The following RDX variants were observed in gnomAD, a reference collection of about 807,000 sequenced individuals.
RDX encodes the protein radixin.
A neutral mutation model predicts 83.7 loss-of-function variants in RDX; 32 were observed. The observed-to-expected ratio is 0.38, with a 90% confidence interval of 0.29 to 0.51. The LOEUF (loss-of-function observed/expected upper bound fraction) is 0.51, where lower values mean the gene tolerates loss of function less well. Among genes scored for constraint, RDX ranks in the 20% least tolerant of loss-of-function variants. The pLI, the probability that RDX is intolerant of heterozygous loss-of-function variation, is 0.87. For synonymous variants in RDX, 229 were observed against 222.7 expected, an observed-to-expected ratio of 1.03 and a Z score of -0.25; for missense variants, 600 against 689.9, an observed-to-expected ratio of 0.87 and a Z score of 1.46.
chr11:110,256,174 T>C (rs1859539326), intron 7 of RDX, among the ~76,000 whole-genome samples: 1 of 152,206 alleles, frequency 6.6e-6, no homozygotes, highest in South Asian at 2.1e-4. Flanking sequence ...TGAGAAATGA[T>C]TTTGACACCT....
intron 15 of RDX, among the ~76,000 whole-genome samples, chr11:110,176,077 TTTC>T (rs1381162913): frequency 7.1e-5 from 10 of 140,048 alleles, no homozygotes; most frequent in Non-Finnish European, 1.6e-4. Context: ...TTTTTTTCTT[TTTC>T]TTTTTTTCTT....
intron 5 of RDX, among the ~76,000 whole-genome samples, chr11:110,262,271 C>T (rs995292310): frequency 2.0e-5 from 3 of 152,008 alleles, no homozygotes; most frequent in Admixed American, 1.3e-4. Context: ...AATTAAAGGG[C>T]GGAACACTGT....
intron 1 of RDX, among the ~76,000 whole-genome samples, chr11:110,284,120 G>A (rs368310726): frequency 5.2e-4 from 79 of 152,314 alleles, no homozygotes; most frequent in African/African-American, 1.9e-3. Context: ...AACAACGTTG[G>A]TAAACAAGTA....
chr11:110,254,716 T>C (rs971119261), intron 8 of RDX, among the ~76,000 whole-genome samples: 3 of 152,134 alleles, frequency 2.0e-5, no homozygotes, highest in Admixed American at 1.3e-4. Context: ...TCTCAGGTGA[T>C]CTGCTCCTCT....
At chr11:110,209,613 G>A (rs1300371989) in intron 14 of RDX, among the ~76,000 whole-genome samples, 1 of 149,800 alleles carries the variant, frequency 6.7e-6, no homozygotes, top group Non-Finnish European at 1.5e-5. Context: ...AGAGAGCAGT[G>A]GTTCTCCCAG....
intron 3 of RDX, 59 bp downstream of exon 3, chr11:110,272,477 G>C: frequency 9.3e-7 from 1 of 1,074,244 alleles, no homozygotes; most frequent in Non-Finnish European, 1.4e-6. Context: ...AGAGAAAGAG[G>C]TATGCAACAA....
chr11:110,277,176 A>G (rs1168911777), intron 2 of RDX, among the ~76,000 whole-genome samples: 1 of 152,192 alleles, frequency 6.6e-6, no homozygotes, highest in Admixed American at 6.5e-5. Context: ...AAGGAACAAT[A>G]AACACTCTCC....
chr11:110,210,303 G>T (rs904006267), intron 14 of RDX, among the ~76,000 whole-genome samples: 1 of 132,914 alleles, frequency 7.5e-6, no homozygotes, highest in African/African-American at 3.0e-5. Context: ...AGAATAAAAA[G>T]AAATGAGCAA....
intron 11 of RDX, chr11:110,236,470 T>A (rs1444681573): frequency 8.9e-6 from 3 of 338,890 alleles, no homozygotes; most frequent in African/African-American, 2.1e-5. Context: ...AAAGCTTTTT[T>A]AAAAAATTTC....
chr11:110,293,580 C>T (rs1861329142), intron 1 of RDX, among the ~76,000 whole-genome samples: 1 of 152,158 alleles, frequency 6.6e-6, no homozygotes, highest in African/African-American at 2.4e-5. Flanking sequence ...CAGTCTTCAG[C>T]TGGATCAGTA....
In RDX at chr11:110,232,023, G is replaced by A; in HGVS notation, c.1598C>T (p.Ser533Leu). 6.2e-7 allele frequency: 1 copy of A among 1,612,082 alleles called. No individual in the cohort carries two copies. The highest frequency in any genetic ancestry group is 8.5e-7 in the Non-Finnish European group (1 of 1,178,476). Reference protein sequence around the residue: ...RVKKQLQALSSELAQARDETK... With the variant: ...RVKKQLQALSLELAQARDETK... ...TTCATCTCTGGCTTGGGCTAATTCT[G>A]AACTTAATGCCTATTTAAAAAATAA... Residue 533 changes from serine (S) to leucine (L), a missense_variant, in exon 14 of 14, where the codon TCA becomes TTA. Physicochemically the swap from Ser to Leu is moderately radical, Grantham distance 145. Transcript: ENST00000645495.
intron 9 of RDX, among the ~76,000 whole-genome samples, chr11:110,253,699 T>C (rs909556076): frequency 6.6e-6 from 1 of 152,144 alleles, no homozygotes; most frequent in Non-Finnish European, 1.5e-5. Context: ...TAAAACAATG[T>C]CTATCAGTGA....
At chr11:110,258,867 C>CTTTT (rs11421586) in intron 5 of RDX, among the ~76,000 whole-genome samples, 278 of 94,600 alleles carry the variant, frequency 2.9e-3, no homozygotes, top group East Asian at 3.7e-3. Context: ...CAAATACATT[C>CTTTT]TTTTTTTTTT....
intron 2 of RDX, among the ~76,000 whole-genome samples, chr11:110,276,645 C>G (rs529404153): frequency 5.9e-5 from 9 of 152,236 alleles, no homozygotes; most frequent in South Asian, 4.1e-4. Context: ...TGACTTAGAT[C>G]TCCTTTAATG....
At chr11:110,265,959 G>C (rs1165516735) in intron 3 of RDX, among the ~76,000 whole-genome samples, 1 of 152,136 alleles carries the variant, frequency 6.6e-6, no homozygotes, top group Non-Finnish European at 1.5e-5. Context: ...TATGGACAGA[G>C]ATTATTGATT....
intron 15 of RDX, among the ~76,000 whole-genome samples, chr11:110,180,509 C>T (rs541819499): frequency 4.1e-4 from 62 of 152,286 alleles, no homozygotes; most frequent in African/African-American, 1.1e-3. Context: ...CCCATTTCCC[C>T]GGGCCACTGT....
At chr11:110,280,156 T>A (rs1023642015) in intron 1 of RDX, among the ~76,000 whole-genome samples, 1 of 152,148 alleles carries the variant, frequency 6.6e-6, no homozygotes, top group Non-Finnish European at 1.5e-5. Flanking sequence ...AGCTTAAGAA[T>A]ACTTATTCAA....
intron 5 of RDX, 54 bp downstream of exon 5, chr11:110,263,906 G>A: frequency 7.1e-7 from 1 of 1,410,300 alleles, no homozygotes. Flanking sequence ...TTTATTTATA[G>A]ACTTCTAGAA....
chr11:110,279,164 TA>T (rs1335567773), intron 2 of RDX, among the ~76,000 whole-genome samples: 1 of 152,212 alleles, frequency 6.6e-6, no homozygotes, highest in African/African-American at 2.4e-5. Context: ...ACCCTTACCA[TA>T]CTCCCTTGGG....
Sources: gnomAD v4.1 joint callset for allele counts (sites outside exome capture counted in the v4.1 genomes callset) on GRCh38, gnomAD v4.1.1 for gene constraint, MANE v1.5 for transcripts, NCBI Gene and HGNC (gene_info 2026-07-23, HGNC 2026-07-21) for gene names.